TM2D1: variants seen among roughly 807,000 people sequenced by gnomAD.
TM2D1 encodes TM2 domain containing 1.
A neutral mutation model predicts 28.4 loss-of-function variants in TM2D1; 15 were observed. The ratio of observed to expected loss-of-function variants is 0.53; its 90% CI spans 0.35 to 0.81. The LOEUF is 0.81. TM2D1 is among the 40% of genes least tolerant of loss of function. The pLI, the probability that TM2D1 is intolerant of heterozygous loss-of-function variation, is 0.01. For synonymous variants in TM2D1, 93 were observed against 96.2 expected, an observed-to-expected ratio of 0.97 and a Z score of 0.20; for missense variants, 236 against 254.9, an observed-to-expected ratio of 0.93 and a Z score of 0.50.
chr1:61,701,030 A>T lies in TM2D1; in HGVS notation c.348-5T>A. On this transcript the variant is annotated splice_polypyrimidine_tract_variant and splice_region_variant and intron_variant, in intron 3 of 6. Coordinates refer to ENST00000606498, the MANE Select transcript of TM2D1 (RefSeq NM_032027.3). The stretch of plus-strand genomic sequence containing the variant: ...ACTTTGTAGGAATAGCCATTTCTGC[A>T]AAAAATTAAAATCTGAGTATCATAT... 6.2e-7 allele frequency: 1 copy of T among 1,601,478 alleles called. No homozygotes were observed. The highest frequency in any genetic ancestry group is 8.5e-7 in the Non-Finnish European group (1 of 1,174,986).
At chr1:61,690,050 A>G (rs1011199764) in intron 5 of TM2D1, among the ~76,000 whole-genome samples, 6 of 152,204 alleles carry the variant, frequency 3.9e-5, no homozygotes, top group African/African-American at 1.4e-4. Flanking sequence ...CACATATAGA[A>G]GGCACCATCT....
At chr1:61,710,651 T>C (rs1644472410) in intron 2 of TM2D1, among the ~76,000 whole-genome samples, 1 of 151,768 alleles carries the variant, frequency 6.6e-6, no homozygotes, top group Non-Finnish European at 1.5e-5. Flanking sequence ...CTAATACTTT[T>C]AGATTAGTTT....
chr1:61,703,888 C>T (rs1275566128), intron 3 of TM2D1, among the ~76,000 whole-genome samples: 8 of 151,376 alleles, frequency 5.3e-5, no homozygotes, highest in Non-Finnish European at 2.9e-5. Flanking sequence ...TCCTGAGTAG[C>T]TGGGATTACA....
intron 3 of TM2D1, among the ~76,000 whole-genome samples, chr1:61,702,612 C>A (rs527945738): frequency 6.6e-6 from 1 of 150,930 alleles, no homozygotes; most frequent in Admixed American, 6.6e-5. Context: ...AAGTGACCCA[C>A]CCGCCTTGGC....
intron 4 of TM2D1, chr1:61,700,076 A>G (rs1340010682): frequency 1.4e-6 from 2 of 1,414,714 alleles, no homozygotes; most frequent in African/African-American, 3.0e-5. Context: ...TACTACAGTA[A>G]ATAAAGCATG....
chr1:61,719,467 A>G (rs1644545153), intron 2 of TM2D1, among the ~76,000 whole-genome samples: 1 of 151,778 alleles, frequency 6.6e-6, no homozygotes, highest in East Asian at 1.9e-4. Flanking sequence ...GGTAAAGGGT[A>G]TATGGATGGA....
chr1:61,718,669 T>C (rs890900790), intron 2 of TM2D1, among the ~76,000 whole-genome samples: 1 of 152,216 alleles, frequency 6.6e-6, no homozygotes, highest in African/African-American at 2.4e-5. Context: ...ATAGTTATCA[T>C]ATGCCCCCAG....
intron 2 of TM2D1, among the ~76,000 whole-genome samples, chr1:61,711,001 C>T (rs373483682): frequency 1.9e-4 from 29 of 152,040 alleles, no homozygotes; most frequent in African/African-American, 6.5e-4. Context: ...TATAATAAAA[C>T]GCACAGATTC....
At chr1:61,714,728 T>C (rs1172032861) in intron 2 of TM2D1, among the ~76,000 whole-genome samples, 1 of 152,140 alleles carries the variant, frequency 6.6e-6, no homozygotes, top group African/African-American at 2.4e-5. Context: ...CTAATTTTTG[T>C]ATTTTTTTGT....
intron 3 of TM2D1, among the ~76,000 whole-genome samples, chr1:61,705,536 C>T (rs1162209592): frequency 6.6e-6 from 1 of 152,044 alleles, no homozygotes; most frequent in Non-Finnish European, 1.5e-5. Context: ...TCCTAGTTCA[C>T]CTTGCAGTTA....
intron 2 of TM2D1, among the ~76,000 whole-genome samples, chr1:61,713,542 GT>G (rs894866953): frequency 2.0e-5 from 3 of 149,448 alleles, no homozygotes; most frequent in Non-Finnish European, 4.4e-5. Flanking sequence ...ATAAACACAG[GT>G]TTTTTTTCTC....
chr1:61,689,084 T>C (rs1644305875), intron 5 of TM2D1, among the ~76,000 whole-genome samples: 2 of 152,206 alleles, frequency 1.3e-5, no homozygotes, highest in Non-Finnish European at 2.9e-5. Context: ...ATTGTTGTCC[T>C]ACATCTAGCA....
chr1:61,685,342 G>T (rs990059691), intron 5 of TM2D1, among the ~76,000 whole-genome samples: 124 of 152,168 alleles, frequency 8.1e-4, no homozygotes, highest in African/African-American at 2.9e-3. Context: ...TTGCAAACTA[G>T]AAGTTATATC....
At chr1:61,705,949 A>G (rs1267128833) in intron 3 of TM2D1, among the ~76,000 whole-genome samples, 1 of 152,242 alleles carries the variant, frequency 6.6e-6, no homozygotes, top group Non-Finnish European at 1.5e-5. Flanking sequence ...TTAAACTATT[A>G]TATATAGTTT....
intron 5 of TM2D1, among the ~76,000 whole-genome samples, chr1:61,687,109 C>A (rs977584127): frequency 1.3e-5 from 2 of 151,648 alleles, no homozygotes; most frequent in African/African-American, 4.9e-5. Flanking sequence ...TTAGGGAGGC[C>A]GAGGCAGGAT....
At chr1:61,716,339 C>A (rs1620169) in intron 2 of TM2D1, among the ~76,000 whole-genome samples, 43,484 of 146,188 alleles carry the variant, frequency 0.3, 7,113 homozygotes, top group African/African-American at 0.43. Context: ...AACCCCCCAA[C>A]AAATATTATA....
At chr1:61,716,378 T>C (rs1183594125) in intron 2 of TM2D1, among the ~76,000 whole-genome samples, 1 of 145,974 alleles carries the variant, frequency 6.9e-6, no homozygotes, top group Non-Finnish European at 1.5e-5. Context: ...TATAATTATA[T>C]AATTTTATAT....
At chr1:61,698,622 C>G (rs1285109993) in intron 4 of TM2D1, 1 of 150,800 alleles carries the variant, frequency 6.6e-6, no homozygotes, top group Non-Finnish European at 1.5e-5. Context: ...AACAAATCCC[C>G]GAGGCTAACA....
intron 2 of TM2D1, among the ~76,000 whole-genome samples, chr1:61,717,403 T>G (rs2148066644): frequency 6.6e-6 from 1 of 152,214 alleles, no homozygotes; most frequent in Admixed American, 6.6e-5. Context: ...CAGTAAATGT[T>G]ACCTAGTAGA....
Sources: allele counts gnomAD v4.1 joint callset (sites outside exome capture counted in the v4.1 genomes callset), GRCh38; gene constraint gnomAD v4.1.1; transcripts MANE v1.5; gene names NCBI Gene and HGNC (gene_info 2026-07-23, HGNC 2026-07-21).